Variants in ZNF423 observed in about 807,000 individuals in gnomAD.
ZNF423 encodes the protein Ebf-associated zinc finger protein.
Under a neutral mutation model 95.8 loss-of-function variants are expected in ZNF423, and 12 were observed. The observed-to-expected ratio is 0.13, with a 90% confidence interval of 0.08 to 0.20. ZNF423 has a LOEUF of 0.20. Among genes scored for constraint, ZNF423 ranks in the 10% least tolerant of loss-of-function variants. The pLI is 1.00. For synonymous variants in ZNF423, 749 were observed against 711.9 expected, an observed-to-expected ratio of 1.05 and a Z score of -0.83; for missense variants, 1,316 against 1,737.1, an observed-to-expected ratio of 0.76 and a Z score of 4.31.
chr16:49,732,040 A>G (rs2033182054), intron 2 of ZNF423, among the ~76,000 whole-genome samples: 1 of 152,184 alleles, frequency 6.6e-6, no homozygotes. Flanking sequence ...GCACAGCCCC[A>G]TTTCACAGTC....
intron 7 of ZNF423, among the ~76,000 whole-genome samples, chr16:49,513,483 G>C (rs993114317): frequency 3.9e-5 from 6 of 152,166 alleles, no homozygotes; most frequent in Non-Finnish European, 8.8e-5. Flanking sequence ...CAAGGAAACT[G>C]GCTCTTTGGT....
At chr16:49,525,596 T>G in intron 5 of ZNF423, 102 bp from the exon 6 acceptor site, 2 of 1,513,830 alleles carry the variant, frequency 1.3e-6, no homozygotes. Context: ...CCCCCTCCAA[T>G]CCCCAGCACC....
intron 5 of ZNF423, among the ~76,000 whole-genome samples, chr16:49,528,389 C>T (rs1457231655): frequency 2.0e-5 from 3 of 152,146 alleles, no homozygotes; most frequent in Non-Finnish European, 1.5e-5. Flanking sequence ...GGGGCCCAAA[C>T]GGCTACCATT....
chr16:49,829,387 G>T (rs1246914145), intron 1 of ZNF423, among the ~76,000 whole-genome samples: 1 of 152,218 alleles, frequency 6.6e-6, no homozygotes, highest in East Asian at 1.9e-4. Flanking sequence ...GAGCCCGAGA[G>T]TTGGAGGTGG....
At chr16:49,519,932 G>A (rs1016525921) in intron 7 of ZNF423, among the ~76,000 whole-genome samples, 6 of 152,122 alleles carry the variant, frequency 3.9e-5, no homozygotes, top group Non-Finnish European at 7.4e-5. Flanking sequence ...TTGCACTCAC[G>A]GCTCTCTTCC....
At position 49,636,305 on chromosome 16, in the gene ZNF423, C is replaced by T. The variant is rs1314213322; in HGVS notation, c.2871G>A (p.Leu957=). ...GCTTGGCAGGGCCCCGGTGCGTCTG[C>T]AGGTGCTCCCGTAGCCCGTTCTCCG... ...FFSENGLREH[L]QTHRGPAKHY... Residue 957 remains leucine (L), a synonymous_variant, in exon 4 of 8, where the codon CTG becomes CTA. Transcript: ENST00000563137. This position sits in a 1 kb window ranked among gnomAD's most constrained non-coding sequence, Gnocchi z 8.6. 1 of 1,612,738 alleles carries T rather than the reference C, an allele frequency of 6.2e-7. No homozygotes were observed. Among genetic ancestry groups the T allele is most frequent in the Non-Finnish European group, 8.5e-7 (1 of 1,180,040 alleles).
chr16:49,560,820 C>A (rs936105436), intron 5 of ZNF423, among the ~76,000 whole-genome samples: 1 of 152,244 alleles, frequency 6.6e-6, no homozygotes, highest in Non-Finnish European at 1.5e-5. Context: ...GTTGCTAATG[C>A]AAGGGAAGCC....
chr16:49,845,048 A>AAAC (rs1345563687), intron 1 of ZNF423, among the ~76,000 whole-genome samples: 1 of 150,944 alleles, frequency 6.6e-6, no homozygotes, highest in Non-Finnish European at 1.5e-5. Context: ...AAAAAAAAAA[A>AAAC]AAAAAAAAAA....
chr16:49,708,695 C>A (rs183589538), intron 3 of ZNF423, among the ~76,000 whole-genome samples: 1 of 152,304 alleles, frequency 6.6e-6, no homozygotes, highest in Non-Finnish European at 1.5e-5. Context: ...CCCGCACAGC[C>A]TTTCACAGGC....
intron 3 of ZNF423, among the ~76,000 whole-genome samples, chr16:49,694,626 T>A (rs1232894506): frequency 6.6e-6 from 1 of 152,066 alleles, no homozygotes; most frequent in Middle Eastern, 3.2e-3. Flanking sequence ...AAGAGTCAAA[T>A]CCCCTATGCC....
Position 49,545,970 on chromosome 16 carries a change from A to G in ZNF423, c.3602-20476T>C, listed in dbSNP as rs150897519. Among the ~76,000 whole-genome samples the G allele has an allele frequency of 2.6e-5, 4 of 152,338 alleles. No individual in the cohort carries two copies. In the East Asian group the frequency reaches 7.7e-4, roughly 29 times the overall value. ...GTGCTCTTAACCCCAGGGCTGTGCT[A>G]ACTTCCTTACCATTATTCATAATCG... On this transcript the variant is annotated intron_variant, in intron 5 of 7. Transcript: ENST00000563137.
chr16:49,671,839 C>T (rs532603390), intron 3 of ZNF423, among the ~76,000 whole-genome samples: 1 of 152,174 alleles, frequency 6.6e-6, no homozygotes, highest in East Asian at 1.9e-4. Flanking sequence ...CAGACACCAC[C>T]AGGCTAGGCT....
At chr16:49,788,385 C>A (rs1440889541) in intron 2 of ZNF423, among the ~76,000 whole-genome samples, 23 of 152,228 alleles carry the variant, frequency 1.5e-4, no homozygotes, top group Admixed American at 1.4e-3. Flanking sequence ...ACTATTAACA[C>A]TTTCTTGTCA....
chr16:49,548,741 G>A (rs1969526446), intron 5 of ZNF423, among the ~76,000 whole-genome samples: 1 of 152,190 alleles, frequency 6.6e-6, no homozygotes, highest in Admixed American at 6.5e-5. Context: ...CTCGCTGCCA[G>A]GCAAGCCGTG....
At chr16:49,720,948 TAC>T (rs1486695111) in intron 3 of ZNF423, among the ~76,000 whole-genome samples, 2 of 152,242 alleles carry the variant, frequency 1.3e-5, no homozygotes, top group Admixed American at 1.3e-4. Flanking sequence ...CTGGCCATTC[TAC>T]AGAGTCAACC....
chr16:49,856,577 G>A (rs1369284179), upstream of ZNF423, among the ~76,000 whole-genome samples: 1 of 151,680 alleles, frequency 6.6e-6, no homozygotes, highest in Admixed American at 6.6e-5. Context: ...TTGGAGGGGA[G>A]GCTCGAAACG....
intron 5 of ZNF423, among the ~76,000 whole-genome samples, chr16:49,588,478 G>A (rs1168733825): frequency 6.6e-6 from 1 of 152,214 alleles, no homozygotes; most frequent in African/African-American, 2.4e-5. Flanking sequence ...CTGGGTATGA[G>A]CTGTTGCAAA....
chr16:49,652,687 C>T (rs1296428194), intron 3 of ZNF423, among the ~76,000 whole-genome samples: 1 of 152,226 alleles, frequency 6.6e-6, no homozygotes, highest in Non-Finnish European at 1.5e-5. Flanking sequence ...AAGCAAAATG[C>T]TTTCGGGGTT....
chr16:49,514,185 A>AACACAC (rs10597628), intron 7 of ZNF423, among the ~76,000 whole-genome samples: 5,426 of 142,888 alleles, frequency 0.038, 264 homozygotes, highest in African/African-American at 0.12. Flanking sequence ...CTGACCACCC[A>AACACAC]ACACACACAC....
Sources: gnomAD v4.1 joint callset for allele counts (sites outside exome capture counted in the v4.1 genomes callset) on GRCh38, gnomAD v4.1.1 for gene constraint, Gnocchi (gnomAD v3.1) non-coding constraint, MANE v1.5 for transcripts, NCBI Gene and HGNC (gene_info 2026-07-23, HGNC 2026-07-21) for gene names.